RAB11FIP4: variants seen among roughly 807,000 people sequenced by gnomAD.
The protein encoded by RAB11FIP4 is rab11 family-interacting protein 4.
In RAB11FIP4, 23 loss-of-function variants were observed where a neutral mutation model predicts 74.3. The observed-to-expected ratio is 0.31, with a 90% CI of 0.22 to 0.44. RAB11FIP4 has a LOEUF of 0.44. Among genes scored for constraint, RAB11FIP4 ranks in the 20% least tolerant of loss-of-function variants. The pLI is 1.00. For synonymous variants in RAB11FIP4, 360 were observed against 359.9 expected (o/e 1.00, Z 0.00); for missense variants, 630 against 863.9 (o/e 0.73, Z 3.39).
At chr17:31,526,144 CTA>C (rs1199361001) in intron 10 of RAB11FIP4, 1 of 152,246 alleles carries the variant, frequency 6.6e-6, no homozygotes, top group African/African-American at 2.4e-5. Context: ...CATTTTGACT[CTA>C]TTCTAGAAGC....
chr17:31,452,919 G>A lies in RAB11FIP4; in HGVS notation c.336+18797G>A, dbSNP rs115328311. On this transcript the variant is annotated intron_variant, in intron 3 of 14. Transcript: ENST00000621161. ...TTGCCCCTGCTGGAAGTCAGGCCCAGTTCATTGCCCTAGTGTGGGATGGGG... is the reference window on the plus strand; with the variant it reads ...TTGCCCCTGCTGGAAGTCAGGCCCAATTCATTGCCCTAGTGTGGGATGGGG... Among the ~76,000 whole-genome samples, 914 of 152,292 alleles carry A rather than the reference G, an allele frequency of 6.0e-3. 7 individuals carry two copies. Among genetic ancestry groups the A allele is most frequent in the African/African-American group, 0.021 (878 of 41,552 alleles).
rs540233573 is a variant in RAB11FIP4, at chr17:31,506,943, G to A, written c.337-10708G>A. On this transcript the variant is annotated intron_variant, in intron 3 of 14. Transcript: ENST00000621161. ...ATCATATGATAGTTTTAAATTCTTT[G>A]AGGAACCTCCATACCGTTGTCCATA... Among the ~76,000 whole-genome samples, 62 of 152,222 alleles carry A rather than the reference G, an allele frequency of 4.1e-4. 1 individual carries two copies. The Middle Eastern group carries it at 0.01, about 25-fold the overall frequency.
intron 3 of RAB11FIP4, among the ~76,000 whole-genome samples, chr17:31,461,107 T>C (rs2525582): frequency 0.66 from 95,383 of 144,510 alleles, 31,474 homozygotes; most frequent in Non-Finnish European, 0.7. Context: ...TAGCCCTTGC[T>C]GCCAACAACC....
intron 4 of RAB11FIP4, 94 bp downstream of exon 4, chr17:31,517,971 C>A: frequency 2.0e-6 from 2 of 1,007,930 alleles, no homozygotes; most frequent in Non-Finnish European, 3.0e-6. Context: ...TTGAAACATG[C>A]TCAAAATTTG....
Position 31,533,690 on chromosome 17 carries a change from G to A in RAB11FIP4, c.*1958G>A, listed in dbSNP as rs1489313105. On this transcript the variant is annotated 3_prime_UTR_variant, in exon 15 of 15. Coordinates refer to ENST00000621161, the MANE Select transcript of RAB11FIP4 (RefSeq NM_032932.6). Reference sequence around the variant, plus strand: ...TGGAATTTCAGAGAAGGCTGCAGAGGCCTGGGTTACACAGCCTGAGTCACA... The same window carrying A: ...TGGAATTTCAGAGAAGGCTGCAGAGACCTGGGTTACACAGCCTGAGTCACA... 3 of 152,258 alleles carry A rather than the reference G, an allele frequency of 2.0e-5. No individual in the cohort carries two copies. The highest frequency in any genetic ancestry group is 4.8e-5 in the African/African-American group (2 of 41,450). 9.4% of individuals were successfully genotyped at this position (152,258 alleles called of 1,614,324 possible).
At chr17:31,498,595 G>A (rs188198142) in intron 3 of RAB11FIP4, among the ~76,000 whole-genome samples, 203 of 152,336 alleles carry the variant, frequency 1.3e-3, no homozygotes, top group African/African-American at 4.3e-3. Flanking sequence ...GGTAAACATC[G>A]GTGCTCTGCT....
At chr17:31,480,917 G>T (rs1567670134) in intron 3 of RAB11FIP4, among the ~76,000 whole-genome samples, 2 of 150,198 alleles carry the variant, frequency 1.3e-5, no homozygotes. Flanking sequence ...TTAATTTATT[G>T]TTTCATCATC....
chr17:31,521,285 C>A lies in RAB11FIP4; in HGVS notation c.683C>A (p.Ala228Asp). The A allele has an allele frequency of 2.5e-6, 4 of 1,613,904 alleles. No individual in the cohort carries two copies. The highest frequency in any genetic ancestry group is 3.4e-6 in the Non-Finnish European group (4 of 1,179,876). ...DYGEGDDVDC[A>D]PSSPCPDDET... ...GGGGAGGGTGACGATGTGGACTGTG[C>A]CCCCAGCAGCCCTTGCCCCGATGAT... The change falls in exon 5 of 15, where the codon GCC becomes GAC. Residue 228 changes from alanine (A) to aspartate (D), a missense_variant. Ala to Asp is a moderately radical substitution (Grantham distance 126). Coordinates refer to ENST00000621161, the MANE Select transcript of RAB11FIP4 (RefSeq NM_032932.6).
intron 3 of RAB11FIP4, among the ~76,000 whole-genome samples, chr17:31,507,323 A>C (rs1394133008): frequency 1.3e-5 from 2 of 152,126 alleles, no homozygotes; most frequent in Non-Finnish European, 2.9e-5. Flanking sequence ...AGTGTATAAG[A>C]GTTCCCTTTT....
intron 3 of RAB11FIP4, among the ~76,000 whole-genome samples, chr17:31,452,555 G>A (rs528994912): frequency 1.3e-5 from 2 of 152,308 alleles, no homozygotes; most frequent in Admixed American, 1.3e-4. Context: ...ATCAGCAATG[G>A]TGGTGCTGCT....
intron 3 of RAB11FIP4, among the ~76,000 whole-genome samples, chr17:31,495,253 C>T (rs1223861036): frequency 6.6e-6 from 1 of 152,160 alleles, no homozygotes; most frequent in African/African-American, 2.4e-5. Flanking sequence ...TGGTAGTTAA[C>T]CACAGAGTCA....
At chr17:31,527,593 C>CAAA in intron 10 of RAB11FIP4, 1 of 409,426 alleles carries the variant, frequency 2.4e-6, no homozygotes, top group Non-Finnish European at 4.4e-6. Flanking sequence ...GACTCTGTCT[C>CAAA]AAAAAAAAAA....
chr17:31,400,957 G>A (rs1371524987), intron 1 of RAB11FIP4, among the ~76,000 whole-genome samples: 1 of 152,126 alleles, frequency 6.6e-6, no homozygotes, highest in Non-Finnish European at 1.5e-5. Context: ...TGACCTAGGT[G>A]TGGTCTGGCC....
intron 3 of RAB11FIP4, among the ~76,000 whole-genome samples, chr17:31,459,872 G>A (rs1023443922): frequency 6.6e-6 from 1 of 152,108 alleles, no homozygotes; most frequent in Admixed American, 6.5e-5. Flanking sequence ...GGGTGGCTGG[G>A]ACTTTACCCT....
intron 3 of RAB11FIP4, among the ~76,000 whole-genome samples, chr17:31,501,111 G>A (rs2072212419): frequency 6.6e-6 from 1 of 151,790 alleles, no homozygotes; most frequent in Non-Finnish European, 1.5e-5. Flanking sequence ...GATTCACCAA[G>A]CTTTGATTTC....
chr17:31,401,492 G>A (rs2070985331), intron 1 of RAB11FIP4, among the ~76,000 whole-genome samples: 1 of 152,220 alleles, frequency 6.6e-6, no homozygotes, highest in Admixed American at 6.5e-5. Context: ...ACCCAAGACG[G>A]GGAGCAGGCT....
At chr17:31,402,868 A>G (rs7504038) in intron 1 of RAB11FIP4, among the ~76,000 whole-genome samples, 118,933 of 150,734 alleles carry the variant, frequency 0.79, 47,453 homozygotes, top group Middle Eastern at 0.85. Flanking sequence ...CTTGTGATCC[A>G]CCCGCCTTGG....
intron 1 of RAB11FIP4, among the ~76,000 whole-genome samples, chr17:31,415,924 T>C (rs1424770439): frequency 6.6e-6 from 1 of 152,146 alleles, no homozygotes; most frequent in East Asian, 1.9e-4. Context: ...GGCACATCCA[T>C]GGCACTCTGC....
At chr17:31,397,413 A>G (rs1391338086) in intron 1 of RAB11FIP4, among the ~76,000 whole-genome samples, 3 of 152,220 alleles carry the variant, frequency 2.0e-5, no homozygotes, top group African/African-American at 7.2e-5. Flanking sequence ...AGGCCGGCAA[A>G]GTCCCAACGA....
Sources: allele counts gnomAD v4.1 joint callset (sites outside exome capture counted in the v4.1 genomes callset), GRCh38; gene constraint gnomAD v4.1.1; transcripts MANE v1.5; gene names NCBI Gene and HGNC (gene_info 2026-07-23, HGNC 2026-07-21).